GRM5: variants seen among roughly 807,000 people sequenced by gnomAD.
GRM5 encodes the protein metabotropic glutamate receptor 5.
Under a neutral mutation model 83.1 loss-of-function variants are expected in GRM5, and 19 were observed. The observed-to-expected ratio is 0.23, with a 90% CI of 0.16 to 0.34. The LOEUF is 0.34. Among genes scored for constraint, GRM5 ranks in the 10% least tolerant of loss-of-function variants. The pLI, the probability that GRM5 is intolerant of heterozygous loss-of-function variation, is 1.00. For synonymous variants in GRM5, 675 were observed against 633.6 expected (o/e 1.07, Z -0.98); for missense variants, 1,160 against 1,588.3 (o/e 0.73, Z 4.58).
At chr11:88,967,895 A>G (rs1457370335) in intron 2 of GRM5, among the ~76,000 whole-genome samples, 3 of 152,120 alleles carry the variant, frequency 2.0e-5, no homozygotes, top group East Asian at 1.9e-4. Context: ...AAGGTCATCC[A>G]TTGGATGATA....
At chr11:89,048,622 G>T (rs1565351656) in intron 1 of GRM5, among the ~76,000 whole-genome samples, 3 of 152,124 alleles carry the variant, frequency 2.0e-5, no homozygotes, top group Non-Finnish European at 4.4e-5. Context: ...CAAGCAAGTT[G>T]AATAATCTTC....
At chr11:89,059,716 G>T (rs938977963) in intron 1 of GRM5, among the ~76,000 whole-genome samples, 25 of 151,998 alleles carry the variant, frequency 1.6e-4, no homozygotes, top group Non-Finnish European at 3.1e-4. Flanking sequence ...GGCCTGGGTA[G>T]GATTGATAGT....
intron 5 of GRM5, among the ~76,000 whole-genome samples, chr11:88,602,839 T>A (rs537344092): frequency 1.3e-5 from 2 of 152,320 alleles, no homozygotes; most frequent in East Asian, 3.9e-4. Context: ...AGTAGAACAC[T>A]TGGCTTAGTC....
At chr11:88,558,440 G>C (rs961916028) in intron 8 of GRM5, among the ~76,000 whole-genome samples, 2 of 152,082 alleles carry the variant, frequency 1.3e-5, no homozygotes, top group African/African-American at 4.8e-5. Flanking sequence ...ATGCCATTGT[G>C]CTAAGGGATA....
intron 3 of GRM5, among the ~76,000 whole-genome samples, chr11:88,721,783 A>ATAGAT (rs994336985): frequency 1.3e-5 from 2 of 152,148 alleles, no homozygotes; most frequent in African/African-American, 4.8e-5. Context: ...CAAGGTGAAT[A>ATAGAT]TAGATAAGAA....
At chr11:88,947,986 G>A (rs1938336607) in intron 2 of GRM5, among the ~76,000 whole-genome samples, 1 of 152,136 alleles carries the variant, frequency 6.6e-6, no homozygotes, top group Non-Finnish European at 1.5e-5. Flanking sequence ...AGCAGAAACA[G>A]AGCTTTCATG....
intron 3 of GRM5, among the ~76,000 whole-genome samples, chr11:88,779,136 T>A (rs944593662): frequency 2.0e-5 from 3 of 152,210 alleles, no homozygotes; most frequent in African/African-American, 7.2e-5. Context: ...GTGGTAAACA[T>A]AGTATTTAAA....
intron 7 of GRM5, among the ~76,000 whole-genome samples, chr11:88,577,799 C>A (rs1239780446): frequency 6.6e-6 from 1 of 152,076 alleles, no homozygotes; most frequent in African/African-American, 2.4e-5. Flanking sequence ...GAGGAAAAAA[C>A]TCTACAGCAT....
At chr11:88,531,138 G>A (rs958644242) in intron 8 of GRM5, among the ~76,000 whole-genome samples, 4 of 152,108 alleles carry the variant, frequency 2.6e-5, no homozygotes, top group African/African-American at 9.7e-5. Flanking sequence ...ATGTAAGGGT[G>A]TGATATATGC....
At chr11:88,902,491 T>C (rs112355018) in intron 2 of GRM5, among the ~76,000 whole-genome samples, 2 of 151,938 alleles carry the variant, frequency 1.3e-5, no homozygotes, top group African/African-American at 4.8e-5. Flanking sequence ...AAATGAAGAG[T>C]AAGAAAATGA....
intron 2 of GRM5, among the ~76,000 whole-genome samples, chr11:88,921,218 A>G (rs1013001381): frequency 1.3e-5 from 2 of 152,200 alleles, no homozygotes; most frequent in African/African-American, 2.4e-5. Context: ...AAATCAATCA[A>G]TGTGATACAT....
chr11:88,599,914 G>T (rs1412377391), intron 5 of GRM5, among the ~76,000 whole-genome samples: 2 of 152,184 alleles, frequency 1.3e-5, no homozygotes, highest in Non-Finnish European at 2.9e-5. Context: ...TTGGGAGGCT[G>T]AGGCAGGAGA....
chr11:88,749,663 G>T (rs1028091538), intron 3 of GRM5, among the ~76,000 whole-genome samples: 2 of 152,014 alleles, frequency 1.3e-5, no homozygotes, highest in African/African-American at 4.8e-5. Flanking sequence ...AGGTTGAAAT[G>T]GAAGAAAAAA....
At chr11:88,536,986 A>G (rs568217901) in intron 8 of GRM5, among the ~76,000 whole-genome samples, 14 of 152,326 alleles carry the variant, frequency 9.2e-5, no homozygotes, top group African/African-American at 3.4e-4. Context: ...TGGCTCAGAA[A>G]GCTTCACAAT....
rs116275117 is a variant in GRM5, at chr11:88,789,719, T to C, written c.911+60187A>G. Among the ~76,000 whole-genome samples, 681 of 152,316 alleles carry C rather than the reference T, an allele frequency of 4.5e-3. 5 individuals carry two copies. The highest frequency in any genetic ancestry group is 0.015 in the African/African-American group (638 of 41,576). ...AAGCCTACAGAATAGCTAGTGAATA[T>C]GAAGTTAACCAGTCCAAATGACCTT... On this transcript the variant is annotated intron_variant, in intron 3 of 9. Transcript: ENST00000305447.
intron 3 of GRM5, among the ~76,000 whole-genome samples, chr11:88,663,923 GTTTGT>G (rs1482839379): frequency 6.6e-6 from 1 of 152,028 alleles, no homozygotes; most frequent in African/African-American, 2.4e-5. Flanking sequence ...TCACCTCCCA[GTTTGT>G]TTTATTTCTT....
At chr11:88,691,249 C>T (rs748030408) in intron 3 of GRM5, among the ~76,000 whole-genome samples, 172 of 152,120 alleles carry the variant, frequency 1.1e-3, no homozygotes, top group Middle Eastern at 3.4e-3. Context: ...TTATTTTTTT[C>T]TTGATCACTG....
Position 89,047,796 on chromosome 11 carries a change from C to A in GRM5, c.77G>T (p.Arg26Met). 6.2e-7 allele frequency: 1 copy of A among 1,613,718 alleles called. No homozygotes were observed. Among genetic ancestry groups the A allele is most frequent in the Non-Finnish European group, 8.5e-7 (1 of 1,179,616 alleles). ...VRGSAQSSER[R>M]VVAHMPGDII... is the part of the protein sequence containing the mutation. ...GTCACCCGGCATGTGAGCCACCACC[C>A]TCCTCTCACTGGACTGTGCACTCCC... The change falls in exon 2 of 10, where the codon AGG (arginine) becomes ATG (methionine). Residue 26 changes from arginine to methionine, a missense_variant. Coordinates refer to ENST00000305447, the MANE Select transcript of GRM5 (RefSeq NM_001143831.3). The surrounding 1 kb of genome is among the most constrained non-coding windows in gnomAD (Gnocchi z 5.1).
At chr11:88,658,631 G>A (rs543845992) in intron 3 of GRM5, among the ~76,000 whole-genome samples, 1 of 152,306 alleles carries the variant, frequency 6.6e-6, no homozygotes, top group African/African-American at 2.4e-5. Context: ...AATGCAGTGG[G>A]AGAGCAGATC....
Sources: allele counts gnomAD v4.1 joint callset (sites outside exome capture counted in the v4.1 genomes callset), GRCh38; gene constraint gnomAD v4.1.1; non-coding constraint Gnocchi (gnomAD v3.1); transcripts MANE v1.5; gene names NCBI Gene and HGNC (gene_info 2026-07-23, HGNC 2026-07-21).